Variants in CCDC192 observed in about 807,000 individuals in gnomAD.
CCDC192 encodes coiled-coil domain-containing protein 192.
rs1011895612 is a variant in CCDC192, at chr5:127,875,666, G to A, written c.535+5G>A. 2.5e-6 allele frequency: 1 copy of A among 398,400 alleles called. No homozygotes were observed. Among genetic ancestry groups the A allele is most frequent in the African/African-American group, 2.1e-5 (1 of 48,426 alleles). The allele number at this position is 398,400 out of a possible 1,614,324, so 24.7% of individuals were successfully genotyped here. A position where few individuals can be genotyped will look rare whatever the true frequency, so the allele number is the denominator to read the frequency against. On this transcript the variant is annotated splice_donor_5th_base_variant and intron_variant, in intron 6 of 6. Coordinates refer to ENST00000514853, the MANE Select transcript of CCDC192 (RefSeq NM_001317938.2). ...AAGGAAAGCCAGCCCCTAGAGGTCA[G>A]TATTACCACGTGACAGATCCACACT...
intron 6 of CCDC192, among the ~76,000 whole-genome samples, chr5:127,905,382 T>C (rs919574761): frequency 1.3e-5 from 2 of 152,240 alleles, no homozygotes; most frequent in Admixed American, 1.3e-4. Context: ...TTGAATATTA[T>C]TTAAGTGACT....
intron 6 of CCDC192, among the ~76,000 whole-genome samples, chr5:127,876,587 C>T (rs2127136561): frequency 6.6e-6 from 1 of 152,210 alleles, no homozygotes; most frequent in East Asian, 1.9e-4. Flanking sequence ...TGGTGAATCT[C>T]TTGCAAAGCT....
chr5:127,719,093 T>G (rs1048706365), intron 2 of CCDC192, among the ~76,000 whole-genome samples: 1 of 152,102 alleles, frequency 6.6e-6, no homozygotes, highest in East Asian at 1.9e-4. Context: ...ACTTTTTATC[T>G]CCATGGATTC....
chr5:127,844,285 CA>C (rs1221245123), intron 5 of CCDC192, among the ~76,000 whole-genome samples: 6 of 152,222 alleles, frequency 3.9e-5, no homozygotes, highest in African/African-American at 4.8e-5. Context: ...TTAATCATTT[CA>C]TCCCTGTTTG....
At chr5:127,903,088 G>T (rs2127168555) in intron 6 of CCDC192, among the ~76,000 whole-genome samples, 1 of 152,230 alleles carries the variant, frequency 6.6e-6, no homozygotes, top group Admixed American at 6.5e-5. Flanking sequence ...CTCTCTAATG[G>T]TTCAACTTTC....
At chr5:127,832,603 C>G (rs1183537206) in intron 5 of CCDC192, among the ~76,000 whole-genome samples, 1 of 151,990 alleles carries the variant, frequency 6.6e-6, no homozygotes, top group Non-Finnish European at 1.5e-5. Context: ...GTGATTGCCT[C>G]TGGGGGGAAT....
chr5:127,817,317 A>G (rs963847306), intron 5 of CCDC192, among the ~76,000 whole-genome samples: 10 of 152,240 alleles, frequency 6.6e-5, no homozygotes, highest in African/African-American at 2.4e-4. Context: ...GAATGGAAAT[A>G]TGTCCACACA....
At chr5:127,890,453 T>TAAA (rs35655743) in intron 6 of CCDC192, among the ~76,000 whole-genome samples, 27,482 of 135,602 alleles carry the variant, frequency 0.2, 2,844 homozygotes, top group South Asian at 0.25. Flanking sequence ...ACCCTGTATT[T>TAAA]AAAAAAAAAA....
chr5:127,806,163 A>G (rs1757769837), intron 5 of CCDC192, among the ~76,000 whole-genome samples: 1 of 152,188 alleles, frequency 6.6e-6, no homozygotes, highest in African/African-American at 2.4e-5. Flanking sequence ...TTTCCCCACC[A>G]AATAGCCAAT....
intron 5 of CCDC192, among the ~76,000 whole-genome samples, chr5:127,859,204 A>G (rs1308732753): frequency 6.6e-6 from 1 of 152,194 alleles, no homozygotes; most frequent in Non-Finnish European, 1.5e-5. Flanking sequence ...ATAAGCTATG[A>G]TTTATAGCTT....
chr5:127,786,978 T>C, intron 3 of CCDC192: 1 of 384,472 alleles, frequency 2.6e-6, no homozygotes, highest in Non-Finnish European at 5.0e-6. Context: ...TCTGAGGTCA[T>C]CCAGATCTGG....
At chr5:127,854,545 A>G (rs1021105034) in intron 5 of CCDC192, among the ~76,000 whole-genome samples, 20 of 152,220 alleles carry the variant, frequency 1.3e-4, no homozygotes, top group African/African-American at 4.6e-4. Flanking sequence ...AAATCATACT[A>G]AAATATCTAT....
intron 5 of CCDC192, among the ~76,000 whole-genome samples, chr5:127,869,351 C>G (rs572561003): frequency 6.6e-6 from 1 of 152,164 alleles, no homozygotes; most frequent in South Asian, 2.1e-4. Context: ...ATAAAATAAG[C>G]TAGTACATAT....
At chr5:127,918,563 A>C (rs1340165048) in intron 6 of CCDC192, among the ~76,000 whole-genome samples, 1 of 152,172 alleles carries the variant, frequency 6.6e-6, no homozygotes. Flanking sequence ...AAAGCCCCAA[A>C]ATGAAGGAGT....
At chr5:127,833,239 T>G (rs1749883377) in intron 5 of CCDC192, among the ~76,000 whole-genome samples, 1 of 152,172 alleles carries the variant, frequency 6.6e-6, no homozygotes, top group South Asian at 2.1e-4. Context: ...AATTTATACC[T>G]CTACTCTATC....
intron 3 of CCDC192, among the ~76,000 whole-genome samples, chr5:127,777,992 A>G (rs748416914): frequency 2.0e-5 from 3 of 151,652 alleles, no homozygotes; most frequent in Non-Finnish European, 2.9e-5. Flanking sequence ...AACTTTACCA[A>G]ATTCATTTAT....
chr5:127,818,719 A>C (rs527460894), intron 5 of CCDC192, among the ~76,000 whole-genome samples: 57 of 152,284 alleles, frequency 3.7e-4, no homozygotes, highest in African/African-American at 1.3e-3. Flanking sequence ...GGAACTGTCC[A>C]AGGGAAGATG....
At chr5:127,853,897 G>A (rs1750927549) in intron 5 of CCDC192, among the ~76,000 whole-genome samples, 1 of 152,144 alleles carries the variant, frequency 6.6e-6, no homozygotes, top group Non-Finnish European at 1.5e-5. Context: ...TCCAGGTGTT[G>A]TGTACTTCCA....
At chr5:127,760,320 T>C (rs554765050) in intron 3 of CCDC192, among the ~76,000 whole-genome samples, 99 of 152,016 alleles carry the variant, frequency 6.5e-4, no homozygotes, top group African/African-American at 2.3e-3. Context: ...TTAAAGGTTT[T>C]TTAAGACTGG....
Sources: gnomAD v4.1 joint callset for allele counts (sites outside exome capture counted in the v4.1 genomes callset) on GRCh38, gnomAD v4.1.1 for gene constraint, MANE v1.5 for transcripts, NCBI Gene and HGNC (gene_info 2026-07-23, HGNC 2026-07-21) for gene names.